The following PPARD variants were observed in gnomAD, a reference collection of about 807,000 sequenced individuals.
PPARD encodes peroxisome proliferator activated receptor delta, also known as peroxisome proliferator-activated receptor delta.
Under a neutral mutation model 39.5 loss-of-function variants are expected in PPARD, and 6 were observed. That is an observed-to-expected ratio of 0.15 (90% confidence interval 0.08 to 0.30). The LOEUF (loss-of-function observed/expected upper bound fraction) is 0.30, where lower values mean the gene tolerates loss of function less well. PPARD is among the 10% of genes least tolerant of loss of function. PPARD has a pLI of 1.00. For synonymous variants in PPARD, 210 were observed against 231.3 expected (o/e 0.91, Z 0.83); for missense variants, 397 against 596.8 (o/e 0.67, Z 3.49).
chr6:35,371,398 C>T (rs1339565565), intron 2 of PPARD, among the ~76,000 whole-genome samples: 1 of 152,142 alleles, frequency 6.6e-6, no homozygotes, highest in Non-Finnish European at 1.5e-5. Flanking sequence ...GTGGCTGTGA[C>T]CATCTGCTCT....
intron 2 of PPARD, among the ~76,000 whole-genome samples, chr6:35,386,242 C>A (rs1033616595): frequency 1.5e-4 from 23 of 151,408 alleles, no homozygotes; most frequent in African/African-American, 5.3e-4. Context: ...AGTTCTTAGT[C>A]GTTTTCAAGG....
intron 2 of PPARD, among the ~76,000 whole-genome samples, chr6:35,398,400 T>G (rs1386402464): frequency 6.6e-6 from 1 of 152,158 alleles, no homozygotes; most frequent in Admixed American, 6.5e-5. Context: ...GTTGGAGTTG[T>G]CATTTACTGA....
At chr6:35,406,574 G>A (rs1345563104) in intron 2 of PPARD, among the ~76,000 whole-genome samples, 3 of 152,184 alleles carry the variant, frequency 2.0e-5, no homozygotes, top group Non-Finnish European at 4.4e-5. Flanking sequence ...GAACAGCCAG[G>A]CTACAGCTCC....
At position 35,426,508 on chromosome 6, in the gene PPARD, G is replaced by A. The variant is rs1766587992; in HGVS notation, c.*429G>A. On this transcript the variant is annotated 3_prime_UTR_variant, in exon 8 of 8. Coordinates refer to ENST00000360694, the MANE Select transcript of PPARD (RefSeq NM_006238.5). ...ACCTTTTCCCCAGGAGCAGAAGAGA[G>A]TGGGGCCTGCCCTCTGCCCCATCAT... The A allele has an allele frequency of 5.1e-6, 1 of 194,324 alleles. No homozygotes were observed. The highest frequency in any genetic ancestry group is 1.1e-5 in the Non-Finnish European group (1 of 94,372). 12.0% of individuals were successfully genotyped at this position (194,324 alleles called of 1,614,324 possible).
intron 3 of PPARD, among the ~76,000 whole-genome samples, chr6:35,415,798 G>C (rs551318938): frequency 1.3e-5 from 2 of 152,122 alleles, no homozygotes; most frequent in Non-Finnish European, 2.9e-5. Context: ...GTGTGTGTGT[G>C]TGTGTTGAAA....
At chr6:35,418,106 C>A (rs749657488) in intron 3 of PPARD, among the ~76,000 whole-genome samples, 1 of 152,104 alleles carries the variant, frequency 6.6e-6, no homozygotes, top group Non-Finnish European at 1.5e-5. Flanking sequence ...CCAAAGGGAA[C>A]GTGAGTAGAG....
At position 35,411,128 on chromosome 6, in the gene PPARD, A is replaced by G; in HGVS notation, c.41A>G (p.Glu14Gly). 1 of 1,587,450 alleles carries G rather than the reference A, an allele frequency of 6.3e-7. No individual in the cohort carries two copies. The highest frequency in any genetic ancestry group is 8.6e-7 in the Non-Finnish European group (1 of 1,165,880). ...PQEEAPEVRE[E>G]EEKEEVAEAE... ...GAGGAAGCCCCTGAGGTCCGGGAAGAGGAGGAGAAAGAGGAAGTGGCAGAG... is the reference window on the plus strand; with the variant it reads ...GAGGAAGCCCCTGAGGTCCGGGAAGGGGAGGAGAAAGAGGAAGTGGCAGAG... Residue 14 changes from glutamate to glycine, a missense_variant, in exon 3 of 8, where the codon GAG becomes GGG. Coordinates refer to ENST00000360694, the MANE Select transcript of PPARD (RefSeq NM_006238.5).
chr6:35,386,935 C>T (rs1763696990), intron 2 of PPARD, among the ~76,000 whole-genome samples: 1 of 151,586 alleles, frequency 6.6e-6, no homozygotes, highest in South Asian at 2.1e-4. Flanking sequence ...CCTTAGATTG[C>T]ATCTCCTAAC....
In PPARD at chr6:35,401,812, G is replaced by A. The variant is rs941418831; in HGVS notation, c.-101-9175G>A. The stretch of plus-strand genomic sequence containing the variant: ...TACTTGACAAATATTTGTTGAACAA[G>A]TGAATGAAACCAGCTGGCAGGGACC... On this transcript the variant is annotated intron_variant, in intron 2 of 7. Coordinates refer to ENST00000360694, the MANE Select transcript of PPARD (RefSeq NM_006238.5). The surrounding 1 kb of genome is among the most constrained non-coding windows in gnomAD (Gnocchi z 4.1). 6.6e-6 allele frequency among the ~76,000 whole-genome samples: 1 copy of A among 152,226 alleles called. No individual in the cohort carries two copies. The highest frequency in any genetic ancestry group is 1.5e-5 in the Non-Finnish European group (1 of 68,046).
chr6:35,365,615 T>G (rs1486370983), intron 2 of PPARD, among the ~76,000 whole-genome samples: 1 of 151,322 alleles, frequency 6.6e-6, no homozygotes, highest in South Asian at 2.1e-4. Context: ...CTCAGCCTCC[T>G]GAGTAGCTGG....
chr6:35,386,445 C>G (rs2150634019), intron 2 of PPARD, among the ~76,000 whole-genome samples: 1 of 150,968 alleles, frequency 6.6e-6, no homozygotes, highest in Admixed American at 6.6e-5. Context: ...GAGCTGTGGT[C>G]ATGCCACTGC....
At chr6:35,403,536 GT>G (rs1764834369) in intron 2 of PPARD, among the ~76,000 whole-genome samples, 1 of 152,160 alleles carries the variant, frequency 6.6e-6, no homozygotes, top group Non-Finnish European at 1.5e-5. Flanking sequence ...TAAGGCTCAT[GT>G]TTTTAGTATA....
intron 2 of PPARD, chr6:35,348,850 C>T (rs1018585847): frequency 3.0e-6 from 3 of 985,246 alleles, no homozygotes; most frequent in Non-Finnish European, 3.6e-6. Context: ...GGGAAGAGGT[C>T]AAAGTACCTC....
chr6:35,377,475 A>G (rs996024413), intron 2 of PPARD, among the ~76,000 whole-genome samples: 2 of 152,170 alleles, frequency 1.3e-5, no homozygotes, highest in Non-Finnish European at 2.9e-5. Context: ...CTTAAATTTT[A>G]CACTTCAGCA....
Position 35,351,861 on chromosome 6 carries a change from C to CTTT in PPARD, c.-102+4733_-102+4735dup, listed in dbSNP as rs774957372. ...ATAGGCATGAGCCACCACACCCAGC[C>CTTT]TTTTTTTTTTTTTTTTTTTTTTTTG... is the stretch of plus-strand genomic sequence containing the variant. On this transcript the variant is annotated intron_variant, in intron 2 of 7. Transcript: ENST00000360694. 2.0e-3 allele frequency among the ~76,000 whole-genome samples: 173 copies of CTTT among 87,346 alleles called. 1 individual carries two copies. Among genetic ancestry groups the CTTT allele is most frequent in the East Asian group, 0.012 (33 of 2,644 alleles). The allele number at this position is 87,346 out of a possible 152,430, so 57.3% of individuals were successfully genotyped here.
chr6:35,411,034 C>A lies in PPARD; in HGVS notation c.-54C>A. On this transcript the variant is annotated 5_prime_UTR_variant, in exon 3 of 8. Coordinates refer to ENST00000360694, the MANE Select transcript of PPARD (RefSeq NM_006238.5). ...AGGTCCATCTGCGTTCAGACCCAGA[C>A]GATGCCAGAGCTATGACTGGGCCTG... The A allele has an allele frequency of 7.0e-7, 1 of 1,422,358 alleles. No individual in the cohort carries two copies. Among genetic ancestry groups the A allele is most frequent in the Non-Finnish European group, 9.3e-7 (1 of 1,079,808 alleles). The allele number at this position is 1,422,358 out of a possible 1,614,324, so 88.1% of individuals were successfully genotyped here.
chr6:35,425,125 T>G lies in PPARD; in HGVS notation c.1078+346T>G, dbSNP rs1292337409. 2 of 829,032 alleles carry G rather than the reference T, an allele frequency of 2.4e-6. No individual in the cohort carries two copies. Among genetic ancestry groups the G allele is most frequent in the Non-Finnish European group, 3.0e-6 (2 of 660,000 alleles). 51.4% of individuals were successfully genotyped at this position (829,032 alleles called of 1,614,324 possible). A position where few individuals can be genotyped will look rare whatever the true frequency, so the allele number is the denominator to read the frequency against. On this transcript the variant is annotated intron_variant, in intron 7 of 7. Coordinates refer to ENST00000360694, the MANE Select transcript of PPARD (RefSeq NM_006238.5). This position sits in a 1 kb window ranked among gnomAD's most constrained non-coding sequence, Gnocchi z 4.5. The stretch of plus-strand genomic sequence containing the variant: ...CCGTCTCTACTAAAAATACAAAAAA[T>G]TAGCCAGATGTGGTGGCACGCGCCT...
At chr6:35,345,395 C>T (rs1792109539) in intron 1 of PPARD, among the ~76,000 whole-genome samples, 1 of 151,920 alleles carries the variant, frequency 6.6e-6, no homozygotes, top group African/African-American at 2.4e-5. Flanking sequence ...AAGGGATCTT[C>T]CTGCTTCAGC....
At chr6:35,379,261 G>A (rs530084653) in intron 2 of PPARD, among the ~76,000 whole-genome samples, 80 of 151,950 alleles carry the variant, frequency 5.3e-4, no homozygotes, top group African/African-American at 1.7e-3. Flanking sequence ...CCGCCACCAC[G>A]CTCGGCTAAT....
Sources: allele counts gnomAD v4.1 joint callset (sites outside exome capture counted in the v4.1 genomes callset), GRCh38; gene constraint gnomAD v4.1.1; non-coding constraint Gnocchi (gnomAD v3.1); transcripts MANE v1.5; gene names NCBI Gene and HGNC (gene_info 2026-07-23, HGNC 2026-07-21).